GRM4: variants seen among roughly 807,000 people sequenced by gnomAD.
The protein encoded by GRM4 is metabotropic glutamate receptor 4.
Under a neutral mutation model 81.7 loss-of-function variants are expected in GRM4, and 28 were observed. The ratio of observed to expected loss-of-function variants is 0.34; its 90% confidence interval spans 0.25 to 0.47. GRM4 has a LOEUF of 0.47. GRM4 is among the 20% of genes least tolerant of loss of function. The pLI is 1.00. For synonymous variants in GRM4, 488 were observed against 528.8 expected, an observed-to-expected ratio of 0.92 and a Z score of 1.06; for missense variants, 948 against 1,290.0, an observed-to-expected ratio of 0.73 and a Z score of 4.06.
At position 34,044,643 on chromosome 6, in the gene GRM4, CAT is replaced by C. The variant is rs1372506005; in HGVS notation, c.1169-3897_1169-3896del. On this transcript the variant is annotated intron_variant, in intron 6 of 10. Transcript: ENST00000538487. The stretch of plus-strand genomic sequence containing the variant: ...ACATATATACACGCAGACACACACA[CAT>C]ATACATACATACACATATATACACA... Among the ~76,000 whole-genome samples, 36 of 149,678 alleles carry C rather than the reference CAT, an allele frequency of 2.4e-4. 1 individual carries two copies. The highest frequency in any genetic ancestry group is 7.7e-4 in the African/African-American group (31 of 40,026).
chr6:34,144,555 G>T (rs1770839868), intron 1 of GRM4, among the ~76,000 whole-genome samples: 1 of 152,222 alleles, frequency 6.6e-6, no homozygotes, highest in South Asian at 2.1e-4. Context: ...ACGGGCAAGC[G>T]GTTGCCGGGC....
At chr6:34,091,818 G>A (rs1008084331) in intron 3 of GRM4, 65 bp downstream of exon 3, 3 of 1,192,798 alleles carry the variant, frequency 2.5e-6, no homozygotes, top group African/African-American at 1.5e-5. Flanking sequence ...GCTCCTGGTG[G>A]GTCAGTCACT....
Position 34,121,372 on chromosome 6 carries a change from T to C in GRM4, c.519+11606A>G, listed in dbSNP as rs1206430839. 6.6e-6 allele frequency among the ~76,000 whole-genome samples: 1 copy of C among 152,188 alleles called. No individual in the cohort carries two copies. The highest frequency in any genetic ancestry group is 6.5e-5 in the Admixed American group (1 of 15,282). ...CTGGGAAGGAGAGAGAAGACTGCAC[T>C]GAACATAAACACCACCCTCTCCAGG... On this transcript the variant is annotated intron_variant, in intron 2 of 10. Transcript: ENST00000538487. This position sits in a 1 kb window ranked among gnomAD's most constrained non-coding sequence, Gnocchi z 4.6.
In GRM4 at chr6:34,040,746, G is replaced by A. The variant is rs766080813; in HGVS notation, c.1171C>T (p.Arg391Cys). 11 of 1,612,396 alleles carry A rather than the reference G, an allele frequency of 6.8e-6. No homozygotes were observed. Among genetic ancestry groups the A allele is most frequent in the Non-Finnish European group, 9.3e-6 (11 of 1,178,808 alleles). Reference protein sequence around the residue: ...KGSHVKKCTNRERIGQDSAYE... With the variant: ...KGSHVKKCTNCERIGQDSAYE... ...GCTGAATCCTGCCCAATTCGCTCAC[G>A]GTCTGCAATGAAACACCAGGAACAG... The change falls in exon 7 of 11, where the codon CGT (arginine) becomes TGT (cysteine). Residue 391 changes from arginine (R) to cysteine (C), a missense_variant and splice_region_variant. Physicochemically the swap from Arg to Cys is radical, Grantham distance 180. Transcript: ENST00000538487.
chr6:34,044,847 CAT>C (rs1293600190), intron 6 of GRM4, among the ~76,000 whole-genome samples: 2 of 135,804 alleles, frequency 1.5e-5, no homozygotes, highest in African/African-American at 6.5e-5. Flanking sequence ...CACATATATA[CAT>C]AGACACACAC....
rs141160388 is a variant in GRM4, at chr6:34,038,688, C to A, written c.1506+1490G>T. 1.9e-4 allele frequency among the ~76,000 whole-genome samples: 29 copies of A among 151,616 alleles called. No homozygotes were observed. The East Asian group carries it at 5.7e-3, about 30-fold the overall frequency. On this transcript the variant is annotated intron_variant, in intron 8 of 10. Transcript: ENST00000538487. The stretch of plus-strand genomic sequence containing the variant: ...AAGTCCAACCCCATCTCACCTCCCC[C>A]CACCACCTCAGCTCTGTCTGGGCCT...
intron 1 of GRM4, among the ~76,000 whole-genome samples, chr6:34,142,947 C>T (rs1770754105): frequency 6.6e-6 from 1 of 152,166 alleles, no homozygotes; most frequent in South Asian, 2.1e-4. Flanking sequence ...CTACATGCTG[C>T]CACCCCCCCA....
intron 10 of GRM4, chr6:34,024,696 C>T (rs1317737232): frequency 4.4e-6 from 2 of 455,874 alleles, no homozygotes; most frequent in Admixed American, 2.3e-5. Context: ...TGGGTGGAGT[C>T]AGTGGCCTAT....
rs1767449209 is a variant in GRM4, at chr6:34,078,895, T to C, written c.736+12988A>G. On this transcript the variant is annotated intron_variant, in intron 3 of 10. Coordinates refer to ENST00000538487, the MANE Select transcript of GRM4 (RefSeq NM_000841.4). The surrounding 1 kb of genome is among the most constrained non-coding windows in gnomAD (Gnocchi z 4.8). ...TCTACCGCAAAATGGGGCACAGATA[T>C]AATGGGGCAGCATGTAAGTGAGGGA... Among the ~76,000 whole-genome samples the C allele has an allele frequency of 6.6e-6, 1 of 152,062 alleles. No homozygotes were observed. The highest frequency in any genetic ancestry group is 1.5e-5 in the Non-Finnish European group (1 of 68,024).
At chr6:34,137,930 C>T (rs980514886) in intron 1 of GRM4, among the ~76,000 whole-genome samples, 5 of 152,004 alleles carry the variant, frequency 3.3e-5, no homozygotes, top group African/African-American at 9.7e-5. Flanking sequence ...GCAGGACCTT[C>T]GTGCTTTTCC....
chr6:34,087,612 T>C (rs961998325), intron 3 of GRM4, among the ~76,000 whole-genome samples: 3 of 151,570 alleles, frequency 2.0e-5, no homozygotes, highest in African/African-American at 7.3e-5. Context: ...CTCCTTGCCT[T>C]TCCCTGGTGC....
At chr6:34,127,391 A>G (rs1770063736) in intron 2 of GRM4, among the ~76,000 whole-genome samples, 1 of 152,266 alleles carries the variant, frequency 6.6e-6, no homozygotes, top group South Asian at 2.1e-4. Flanking sequence ...TGGTGTCTTC[A>G]AGGAGCATAA....
At chr6:34,129,349 G>A (rs1276387058) in intron 2 of GRM4, among the ~76,000 whole-genome samples, 1 of 152,202 alleles carries the variant, frequency 6.6e-6, no homozygotes, top group Non-Finnish European at 1.5e-5. Context: ...ACAGTATGGT[G>A]TAAATAACTG....
At chr6:34,145,783 A>G (rs1268749313) in intron 1 of GRM4, among the ~76,000 whole-genome samples, 2 of 152,150 alleles carry the variant, frequency 1.3e-5, no homozygotes, top group Non-Finnish European at 2.9e-5. Context: ...AGTGCGGGCC[A>G]AGCTCACGGC....
chr6:34,040,602 C>T lies in GRM4; in HGVS notation c.1315G>A (p.Asp439Asn). The change falls in exon 7 of 11, where the codon GAC (aspartate) becomes AAC (asparagine). Residue 439 changes from aspartate to asparagine, a missense_variant. Coordinates refer to ENST00000538487, the MANE Select transcript of GRM4 (RefSeq NM_000841.4). Reference protein sequence around the residue: ...PGRVGLCPRMDPVDGTQLLKY... With the variant: ...PGRVGLCPRMNPVDGTQLLKY... ...AGCAGCTGGGTGCCATCTACAGGGT[C>T]CATGCGCGGGCAGAGCCCCACGCGG... 1 of 1,614,114 alleles carries T rather than the reference C, an allele frequency of 6.2e-7. No individual in the cohort carries two copies. Among genetic ancestry groups the T allele is most frequent in the Non-Finnish European group, 8.5e-7 (1 of 1,179,984 alleles).
intron 3 of GRM4, among the ~76,000 whole-genome samples, chr6:34,075,992 G>C (rs1187804868): frequency 3.3e-5 from 5 of 152,208 alleles, no homozygotes; most frequent in Non-Finnish European, 7.3e-5. Flanking sequence ...CCTGTGTTGG[G>C]GCAGAGAGAG....
At chr6:34,086,162 C>T (rs943823661) in intron 3 of GRM4, among the ~76,000 whole-genome samples, 30 of 152,220 alleles carry the variant, frequency 2.0e-4, no homozygotes, top group African/African-American at 6.8e-4. Context: ...GTGGAGCCTC[C>T]GTAGATGGGG....
rs769349976 is a variant in GRM4 at position 34,042,715 on chromosome 6, A to T, written c.1169-1967T>A. ...GCCAGGGTTAAGCTGGGTCCACATG[A>T]GGCAGTGATTCCCCGGGGACTCCAG... On this transcript the variant is annotated intron_variant, in intron 6 of 10. Coordinates refer to ENST00000538487, the MANE Select transcript of GRM4 (RefSeq NM_000841.4). The surrounding 1 kb of genome is among the most constrained non-coding windows in gnomAD (Gnocchi z 4.2). Among the ~76,000 whole-genome samples the T allele has an allele frequency of 6.6e-6, 1 of 152,128 alleles. No individual in the cohort carries two copies. The highest frequency in any genetic ancestry group is 2.4e-5 in the African/African-American group (1 of 41,434).
chr6:34,035,547 C>A lies in GRM4; in HGVS notation c.2442+121G>T. On this transcript the variant is annotated intron_variant, in intron 9 of 10. Transcript: ENST00000538487. This position sits in a 1 kb window ranked among gnomAD's most constrained non-coding sequence, Gnocchi z 6.6. The stretch of plus-strand genomic sequence containing the variant: ...AGGCAGAATGAGGCAAGAAAGAAGG[C>A]AGAATGAGGCATGAAAGAAGGCATT... 2.8e-6 allele frequency: 1 copy of A among 361,050 alleles called. No homozygotes were observed. The highest frequency in any genetic ancestry group is 4.4e-6 in the Non-Finnish European group (1 of 226,992). The allele number at this position is 361,050 out of a possible 1,614,324, so 22.4% of individuals were successfully genotyped here. A position where few individuals can be genotyped will look rare whatever the true frequency, so the allele number is the denominator to read the frequency against.
Sources: gnomAD v4.1 joint callset for allele counts (sites outside exome capture counted in the v4.1 genomes callset) on GRCh38, gnomAD v4.1.1 for gene constraint, Gnocchi (gnomAD v3.1) non-coding constraint, MANE v1.5 for transcripts, NCBI Gene and HGNC (gene_info 2026-07-23, HGNC 2026-07-21) for gene names.